The following KDM2B variants were observed in gnomAD, a reference collection of about 807,000 sequenced individuals.
The protein encoded by KDM2B is lysine demethylase 2B.
A neutral mutation model predicts 150.0 loss-of-function variants in KDM2B; 26 were observed. That is an observed-to-expected ratio of 0.17 (90% confidence interval 0.13 to 0.24). The LOEUF (loss-of-function observed/expected upper bound fraction) is 0.24, where lower values mean the gene tolerates loss of function less well. KDM2B is among the 10% of genes least tolerant of loss of function. The pLI is 1.00. For synonymous variants in KDM2B, 734 were observed against 729.5 expected, an observed-to-expected ratio of 1.01 and a Z score of -0.10; for missense variants, 1,265 against 1,816.9, an observed-to-expected ratio of 0.70 and a Z score of 5.52.
At chr12:121,420,102 A>T in the KDM2B span, 1 of 686,480 alleles carries the variant, frequency 1.5e-6, no homozygotes, top group Non-Finnish European at 2.4e-6. Context: ...ACTTTTTGGA[A>T]GGGTCAGCAG....
chr12:121,524,287 G>A (rs1555306400), intron 8 of KDM2B, among the ~76,000 whole-genome samples: 2 of 152,154 alleles, frequency 1.3e-5, no homozygotes, highest in African/African-American at 2.4e-5. Context: ...TGTCTCTGTC[G>A]ATCACAAGGG....
At chr12:121,485,656 G>A (rs374222037) in intron 12 of KDM2B, among the ~76,000 whole-genome samples, 1 of 152,054 alleles carries the variant, frequency 6.6e-6, no homozygotes, top group African/African-American at 2.4e-5. Flanking sequence ...ACAGGGCCAG[G>A]GTTCCGGGGC....
the KDM2B span, among the ~76,000 whole-genome samples, chr12:121,413,181 AC>A: frequency 2.5e-4 from 38 of 151,408 alleles, no homozygotes; most frequent in Non-Finnish European, 5.0e-4. Flanking sequence ...ATCTGCCAAT[AC>A]GCCCAGCTAA....
chr12:121,500,382 C>G (rs10849893), intron 11 of KDM2B, among the ~76,000 whole-genome samples: 46,016 of 152,192 alleles, frequency 0.3, 8,595 homozygotes, highest in Middle Eastern at 0.48. Context: ...GGGACCCTTT[C>G]TGCGGGAAAC....
chr12:121,442,505 C>T lies in KDM2B; in HGVS notation c.2936G>A (p.Ser979Asn), dbSNP rs1440364630. Residue 979 changes from serine (S) to asparagine (N), a missense_variant, in exon 19 of 23, where the codon AGC becomes AAC. By Grantham distance (46) the Ser-to-Asn change is conservative. Coordinates refer to ENST00000377071, the MANE Select transcript of KDM2B (RefSeq NM_032590.5). The surrounding 1 kb of genome is among the most constrained non-coding windows in gnomAD (Gnocchi z 7.7). ...GGGCCGCTTGGGCTCCTCGCCCTCGCTCTCAGGCTCCGACTTGATGGGCTG... is the reference window on the plus strand; with the variant it reads ...GGGCCGCTTGGGCTCCTCGCCCTCGTTCTCAGGCTCCGACTTGATGGGCTG... ...NQQPIKSEPE[S>N]EGEEPKRPPG... 6.3e-7 allele frequency: 1 copy of T among 1,599,592 alleles called. No individual in the cohort carries two copies.
intron 11 of KDM2B, among the ~76,000 whole-genome samples, chr12:121,505,688 C>T (rs549075079): frequency 1.4e-4 from 21 of 152,278 alleles, no homozygotes; most frequent in African/African-American, 4.8e-4. Flanking sequence ...CAAGCAGCAG[C>T]CTCTGAGGTC....
downstream of KDM2B, among the ~76,000 whole-genome samples, chr12:121,426,808 G>A (rs1016404158): frequency 6.6e-6 from 1 of 151,814 alleles, no homozygotes; most frequent in Admixed American, 6.6e-5. Flanking sequence ...ATTTTTAATA[G>A]AGACAGGGTT....
At chr12:121,444,908 T>A in intron 14 of KDM2B, 1 of 421,528 alleles carries the variant, frequency 2.4e-6, no homozygotes, top group Admixed American at 3.7e-5. Context: ...CTCTACTGGG[T>A]GCTGGGGGAA....
Position 121,565,597 on chromosome 12 carries a change from C to T in KDM2B, c.397+8950G>A, listed in dbSNP as rs191894360. Among the ~76,000 whole-genome samples the T allele has an allele frequency of 1.5e-4, 22 of 151,392 alleles. No homozygotes were observed. The East Asian group carries it at 2.4e-3, about 16-fold the overall frequency. ...CTCCCAAAGTGCTAGAATTAAAACG[C>T]GCGGGCCACCGCGCCTGGCCAAGAG... is the stretch of plus-strand genomic sequence containing the variant. On this transcript the variant is annotated intron_variant, in intron 4 of 22. Coordinates refer to ENST00000377071, the MANE Select transcript of KDM2B (RefSeq NM_032590.5).
At chr12:121,577,687 G>T (rs1021715145) in intron 2 of KDM2B, among the ~76,000 whole-genome samples, 1 of 152,206 alleles carries the variant, frequency 6.6e-6, no homozygotes, top group Non-Finnish European at 1.5e-5. Flanking sequence ...GGTTTTCCAA[G>T]GGGCGTGGGG....
At chr12:121,546,672 G>A (rs531441307) in intron 6 of KDM2B, among the ~76,000 whole-genome samples, 3 of 150,092 alleles carry the variant, frequency 2.0e-5, no homozygotes, top group African/African-American at 7.3e-5. Flanking sequence ...CAAAGTGCTG[G>A]GATTACAGGT....
At chr12:121,420,114 A>T in the KDM2B span, 3 of 825,124 alleles carry the variant, frequency 3.6e-6, no homozygotes, top group South Asian at 5.2e-5. Context: ...GGTCAGCAGC[A>T]TTCTGAATCC....
intron 7 of KDM2B, 51 bp downstream of exon 7, chr12:121,534,446 C>G (rs782742578): frequency 5.1e-6 from 7 of 1,369,404 alleles, no homozygotes; most frequent in Admixed American, 5.0e-5. Context: ...GAGCCCCTCC[C>G]CACACAAACA....
At chr12:121,546,058 G>A (rs941479873) in intron 6 of KDM2B, among the ~76,000 whole-genome samples, 4 of 152,104 alleles carry the variant, frequency 2.6e-5, no homozygotes, top group Non-Finnish European at 5.9e-5. Flanking sequence ...GGCACTGTGG[G>A]CCTCATCGCA....
At position 121,575,919 on chromosome 12, in the gene KDM2B, G is replaced by C; in HGVS notation, c.272-60C>G. 7.6e-7 allele frequency: 1 copy of C among 1,315,786 alleles called. No individual in the cohort carries two copies. Among genetic ancestry groups the C allele is most frequent in the Non-Finnish European group, 1.1e-6 (1 of 909,104 alleles). The allele number at this position is 1,315,786 out of a possible 1,614,324, so 81.5% of individuals were successfully genotyped here. On this transcript the variant is annotated intron_variant, in intron 2 of 22. Coordinates refer to ENST00000377071, the MANE Select transcript of KDM2B (RefSeq NM_032590.5). The surrounding 1 kb of genome is among the most constrained non-coding windows in gnomAD (Gnocchi z 4.4). Reference sequence around the variant, plus strand: ...AGTCACGAAGGAGCAAATGAACCGGGATCTGTTGGTTAGGGGAAGAAAACT... The same window carrying C: ...AGTCACGAAGGAGCAAATGAACCGGCATCTGTTGGTTAGGGGAAGAAAACT...
chr12:121,476,418 T>A (rs954212039), intron 12 of KDM2B, among the ~76,000 whole-genome samples: 25 of 151,882 alleles, frequency 1.6e-4, no homozygotes, highest in Middle Eastern at 3.4e-3. Flanking sequence ...ATCACGCCAC[T>A]GCACTCCACC....
intron 9 of KDM2B, chr12:121,516,987 A>G (rs552508493): frequency 1.7e-6 from 1 of 602,366 alleles, no homozygotes; most frequent in South Asian, 2.1e-5. Context: ...GGAATGGGGC[A>G]TGTCGGCATT....
chr12:121,511,435 T>C (rs1231565057), intron 10 of KDM2B, among the ~76,000 whole-genome samples: 2 of 152,004 alleles, frequency 1.3e-5, no homozygotes, highest in East Asian at 1.9e-4. Flanking sequence ...TACAGGCATG[T>C]GCCACCACAC....
chr12:121,544,447 T>C (rs990285421), intron 6 of KDM2B, among the ~76,000 whole-genome samples: 2 of 151,608 alleles, frequency 1.3e-5, no homozygotes, highest in Non-Finnish European at 2.9e-5. Flanking sequence ...CCGTCTCTAC[T>C]AAAAATATAA....
Sources: allele counts gnomAD v4.1 joint callset (sites outside exome capture counted in the v4.1 genomes callset), GRCh38; gene constraint gnomAD v4.1.1; non-coding constraint Gnocchi (gnomAD v3.1); transcripts MANE v1.5; gene names NCBI Gene and HGNC (gene_info 2026-07-23, HGNC 2026-07-21).